Variants in RBFOX3 observed in about 807,000 individuals in gnomAD.
RBFOX3 encodes the protein RNA binding fox-1 homolog 3.
In RBFOX3, 17 loss-of-function variants were observed where a neutral mutation model predicts 48.7. The ratio of observed to expected loss-of-function variants is 0.35; its 90% confidence interval spans 0.24 to 0.52. The LOEUF (loss-of-function observed/expected upper bound fraction) is 0.52, where lower values mean the gene tolerates loss of function less well. RBFOX3 is among the 20% of genes least tolerant of loss of function. RBFOX3 has a pLI of 0.94. For missense variants in RBFOX3, 382 were observed against 497.5 expected (o/e 0.77, Z 2.21); for synonymous variants, 212 against 209.5 (o/e 1.01, Z -0.10).
chr17:79,540,629 T>C (rs144059342), intron 1 of RBFOX3, among the ~76,000 whole-genome samples: 60 of 152,254 alleles, frequency 3.9e-4, no homozygotes, highest in Non-Finnish European at 6.0e-4. Context: ...GCAGACTCCA[T>C]GTCATTCACA....
intron 2 of RBFOX3, among the ~76,000 whole-genome samples, chr17:79,388,600 C>T (rs890913297): frequency 6.6e-6 from 1 of 152,194 alleles, no homozygotes; most frequent in African/African-American, 2.4e-5. Context: ...AGCGCCCCTG[C>T]TCCAGGAAGC....
the RBFOX3 span, among the ~76,000 whole-genome samples, chr17:79,657,263 A>G: frequency 6.6e-6 from 1 of 152,092 alleles, no homozygotes; most frequent in Non-Finnish European, 1.5e-5. Flanking sequence ...GCTAAGGGGG[A>G]GATTGCAGCA....
chr17:79,583,905 G>A (rs1263543252), intron 1 of RBFOX3, among the ~76,000 whole-genome samples: 1 of 152,126 alleles, frequency 6.6e-6, no homozygotes, highest in African/African-American at 2.4e-5. Context: ...GAGGTGAGAG[G>A]GGAAAGGTGT....
rs2078836470 is a variant in RBFOX3, at chr17:79,481,929, C to T, written c.-175+525G>A. ...ATCTTACAGAGCACTTGGCCCAAAC[C>T]CTGTGGAGTCTGACGCTGACTCCGG... On this transcript the variant is annotated intron_variant, in intron 2 of 14. Coordinates refer to ENST00000693108, the MANE Select transcript of RBFOX3 (RefSeq NM_001350451.2). This position sits in a 1 kb window ranked among gnomAD's most constrained non-coding sequence, Gnocchi z 5.4. Among the ~76,000 whole-genome samples the T allele has an allele frequency of 6.6e-6, 1 of 152,146 alleles. No homozygotes were observed. The highest frequency in any genetic ancestry group is 6.5e-5 in the Admixed American group (1 of 15,282).
chr17:79,419,211 T>C (rs2065854447), intron 2 of RBFOX3, among the ~76,000 whole-genome samples: 1 of 152,224 alleles, frequency 6.6e-6, no homozygotes, highest in South Asian at 2.1e-4. Context: ...TGGCTGGGAA[T>C]GGCTCATCTG....
intron 1 of RBFOX3, among the ~76,000 whole-genome samples, chr17:79,517,376 C>T (rs1353451999): frequency 5.8e-5 from 8 of 139,030 alleles, no homozygotes; most frequent in East Asian, 4.6e-4. Context: ...ACCCAGGGGG[C>T]GGAGGTTGCA....
At chr17:79,540,387 A>G (rs1657712796) in intron 1 of RBFOX3, among the ~76,000 whole-genome samples, 1 of 152,210 alleles carries the variant, frequency 6.6e-6, no homozygotes, top group Non-Finnish European at 1.5e-5. Flanking sequence ...AGACAAATGA[A>G]CGGCGGAGGC....
rs1166070181 is a variant in RBFOX3, at chr17:79,243,989, C to T, written c.-73-8184G>A. Among the ~76,000 whole-genome samples, 2 of 152,244 alleles carry T rather than the reference C, an allele frequency of 1.3e-5. No individual in the cohort carries two copies. Among genetic ancestry groups the T allele is most frequent in the East Asian group, 3.9e-4 (2 of 5,166 alleles). On this transcript the variant is annotated intron_variant, in intron 3 of 14. Coordinates refer to ENST00000693108, the MANE Select transcript of RBFOX3 (RefSeq NM_001350451.2). This position sits in a 1 kb window ranked among gnomAD's most constrained non-coding sequence, Gnocchi z 7.9. The stretch of plus-strand genomic sequence containing the variant: ...ACAGGCAAGTTTCAGGGGCCAGAGC[C>T]CAGCACTGGGTCATCTCAACAATCC...
At chr17:79,530,410 G>A (rs895322057) in intron 1 of RBFOX3, among the ~76,000 whole-genome samples, 21 of 152,196 alleles carry the variant, frequency 1.4e-4, no homozygotes, top group Non-Finnish European at 3.1e-4. Context: ...CTGCCAAAGA[G>A]TATGAAATGC....
At chr17:79,468,606 A>G (rs901444334) in intron 2 of RBFOX3, among the ~76,000 whole-genome samples, 6 of 145,264 alleles carry the variant, frequency 4.1e-5, no homozygotes, top group Admixed American at 3.3e-4. Context: ...ATGGATGGAT[A>G]GATAGATAGC....
chr17:79,113,571 G>A (rs56044629), intron 5 of RBFOX3, among the ~76,000 whole-genome samples: 2 of 152,188 alleles, frequency 1.3e-5, no homozygotes, highest in South Asian at 2.1e-4. Flanking sequence ...ACCTGGACAC[G>A]CTTCCTGGGA....
chr17:79,329,231 A>T (rs1274066948), intron 2 of RBFOX3, among the ~76,000 whole-genome samples: 1 of 151,946 alleles, frequency 6.6e-6, no homozygotes, highest in East Asian at 1.9e-4. Context: ...TTTCCAACCC[A>T]ACTCTGCTCT....
At chr17:79,435,303 T>C (rs1318358657) in intron 2 of RBFOX3, among the ~76,000 whole-genome samples, 1 of 152,108 alleles carries the variant, frequency 6.6e-6, no homozygotes, top group Non-Finnish European at 1.5e-5. Flanking sequence ...AGGATCCAGG[T>C]CTGCCATGGA....
intron 2 of RBFOX3, among the ~76,000 whole-genome samples, chr17:79,430,793 C>T (rs1195367471): frequency 6.6e-6 from 1 of 152,236 alleles, no homozygotes; most frequent in African/African-American, 2.4e-5. Context: ...GATCCACCCG[C>T]CTCGGCCTCC....
chr17:79,393,050 C>T (rs2061540141), intron 2 of RBFOX3, among the ~76,000 whole-genome samples: 1 of 152,230 alleles, frequency 6.6e-6, no homozygotes. Flanking sequence ...GACCACTACA[C>T]AGTCTGCACA....
At chr17:79,146,608 C>T (rs1439066774) in intron 4 of RBFOX3, among the ~76,000 whole-genome samples, 1 of 152,224 alleles carries the variant, frequency 6.6e-6, no homozygotes, top group Non-Finnish European at 1.5e-5. Flanking sequence ...CCAGACAAGC[C>T]TTGTGCCTCA....
At chr17:79,417,068 G>C (rs56712974) in intron 2 of RBFOX3, among the ~76,000 whole-genome samples, 6 of 152,166 alleles carry the variant, frequency 3.9e-5, no homozygotes, top group Non-Finnish European at 8.8e-5. Context: ...CCCCAGCTCT[G>C]CATAAGGGGC....
intron 4 of RBFOX3, among the ~76,000 whole-genome samples, chr17:79,183,863 AGCCCTCCCTCGC>A (rs1197557470): frequency 6.6e-6 from 1 of 151,960 alleles, no homozygotes; most frequent in Non-Finnish European, 1.5e-5. Flanking sequence ...GCACCGGGGC[AGCCCTCCCTCGC>A]GCCCTCCCAC....
chr17:79,526,968 G>A (rs917519124), intron 1 of RBFOX3, among the ~76,000 whole-genome samples: 5,637 of 152,294 alleles, frequency 0.037, 169 homozygotes, highest in African/African-American at 0.085. Flanking sequence ...CCCTACAGCT[G>A]GAAGACTCAC....
Sources: gnomAD v4.1 joint callset for allele counts (sites outside exome capture counted in the v4.1 genomes callset) on GRCh38, gnomAD v4.1.1 for gene constraint, Gnocchi (gnomAD v3.1) non-coding constraint, MANE v1.5 for transcripts, NCBI Gene and HGNC (gene_info 2026-07-23, HGNC 2026-07-21) for gene names.